FBXL7: variants seen among roughly 807,000 people sequenced by gnomAD.
FBXL7 encodes F-box and leucine rich repeat protein 7, also known as F-box/LRR-repeat protein 7.
FBXL7 carries 12 observed loss-of-function variants against 38.3 expected under a neutral mutation model. The observed-to-expected ratio is 0.31, with a 90% CI of 0.20 to 0.51. The LOEUF (loss-of-function observed/expected upper bound fraction) is 0.51. Among genes scored for constraint, FBXL7 ranks in the 20% least tolerant of loss-of-function variants. The probability of loss-of-function intolerance (pLI) is 0.98; values close to 1 mark genes in which losing one functional copy is unlikely to be tolerated. For synonymous variants in FBXL7, 297 were observed against 300.9 expected (o/e 0.99, Z 0.13); for missense variants, 567 against 676.4 (o/e 0.84, Z 1.79).
chr5:15,895,800 C>T lies in FBXL7; in HGVS notation c.128-32090C>T, dbSNP rs1383443456. Among the ~76,000 whole-genome samples, 13 of 151,026 alleles carry T rather than the reference C, an allele frequency of 8.6e-5. No individual in the cohort carries two copies. The East Asian group carries it at 9.9e-4, about 12-fold the overall frequency. Reference sequence around the variant, plus strand: ...CTGGGACTACAGGTGCCCGCCACCACGCCTGGCTAATTTTTTTGTATTTTT... The same window carrying T: ...CTGGGACTACAGGTGCCCGCCACCATGCCTGGCTAATTTTTTTGTATTTTT... On this transcript the variant is annotated intron_variant, in intron 2 of 3. Coordinates refer to ENST00000504595, the MANE Select transcript of FBXL7 (RefSeq NM_012304.5).
chr5:15,825,535 CA>C (rs1476670995), intron 2 of FBXL7, among the ~76,000 whole-genome samples: 1 of 152,106 alleles, frequency 6.6e-6, no homozygotes, highest in Non-Finnish European at 1.5e-5. Flanking sequence ...AGCTTCTAGC[CA>C]ACAGAAAGAA....
rs577791561 is a variant in FBXL7 at position 15,608,910 on chromosome 5, G to A, written c.38-7073G>A. On this transcript the variant is annotated intron_variant, in intron 1 of 3. Coordinates refer to ENST00000504595, the MANE Select transcript of FBXL7 (RefSeq NM_012304.5). ...TGATACAGACATCAAAGCATGGGCC[G>A]TATGATACCCATTTACAGAAGGTGA... Among the ~76,000 whole-genome samples the A allele has an allele frequency of 5.3e-5, 8 of 152,292 alleles. No homozygotes were observed. In the East Asian group the frequency reaches 7.7e-4, roughly 15 times the overall value.
intron 1 of FBXL7, among the ~76,000 whole-genome samples, chr5:15,551,261 A>C (rs1200199891): frequency 6.6e-6 from 1 of 152,056 alleles, no homozygotes; most frequent in Non-Finnish European, 1.5e-5. Context: ...CGTGTACTTG[A>C]CCCGGAGCAT....
At position 15,897,110 on chromosome 5, in the gene FBXL7, G is replaced by A. The variant is rs553879995; in HGVS notation, c.128-30780G>A. Among the ~76,000 whole-genome samples, 15 of 152,294 alleles carry A rather than the reference G, an allele frequency of 9.8e-5. 1 individual carries two copies. The highest frequency in any genetic ancestry group is 3.6e-4 in the African/African-American group (15 of 41,572). On this transcript the variant is annotated intron_variant, in intron 2 of 3. Coordinates refer to ENST00000504595, the MANE Select transcript of FBXL7 (RefSeq NM_012304.5). ...ATTGTGCCACTGCACTCCAGCCTGG[G>A]TGATGGAGTGAGACTCTATCTCTCT...
intron 1 of FBXL7, among the ~76,000 whole-genome samples, chr5:15,513,211 T>C (rs1736847518): frequency 6.6e-6 from 1 of 152,096 alleles, no homozygotes; most frequent in Non-Finnish European, 1.5e-5. Flanking sequence ...TACATGAGAA[T>C]AGATTTAAAT....
chr5:15,640,511 G>T (rs1048441760), intron 2 of FBXL7, among the ~76,000 whole-genome samples: 10 of 151,030 alleles, frequency 6.6e-5, no homozygotes, highest in Non-Finnish European at 1.5e-4. Flanking sequence ...GGTACTGGGG[G>T]TTAGGGCTTT....
chr5:15,599,779 T>C (rs1739738725), intron 1 of FBXL7, among the ~76,000 whole-genome samples: 1 of 143,552 alleles, frequency 7.0e-6, no homozygotes, highest in Admixed American at 6.9e-5. Flanking sequence ...TAGTTTTCTG[T>C]GGTAGGAAAA....
rs527272740 is a variant in FBXL7, at chr5:15,843,571, G to A, written c.128-84319G>A. Reference sequence around the variant, plus strand: ...CAAAGAACAGTAGTGTTCAGAAGACGAATAATAAATGTCCATAAATTGCTC... The same window carrying A: ...CAAAGAACAGTAGTGTTCAGAAGACAAATAATAAATGTCCATAAATTGCTC... On this transcript the variant is annotated intron_variant, in intron 2 of 3. Transcript: ENST00000504595. 5.3e-5 allele frequency among the ~76,000 whole-genome samples: 8 copies of A among 152,244 alleles called. No individual in the cohort carries two copies. The East Asian group carries it at 9.7e-4, about 18-fold the overall frequency.
intron 1 of FBXL7, among the ~76,000 whole-genome samples, chr5:15,544,603 A>G (rs746590654): frequency 8.5e-5 from 13 of 152,144 alleles, no homozygotes; most frequent in Non-Finnish European, 1.3e-4. Flanking sequence ...ATGCCACCAA[A>G]TAGAAAAGAA....
intron 2 of FBXL7, among the ~76,000 whole-genome samples, chr5:15,631,722 G>T (rs746913929): frequency 9.4e-5 from 14 of 148,450 alleles, no homozygotes; most frequent in South Asian, 6.5e-4. Context: ...ACAGCTTAGT[G>T]CAGTGAAAAA....
chr5:15,556,534 T>G (rs2126430658), intron 1 of FBXL7, among the ~76,000 whole-genome samples: 1 of 152,302 alleles, frequency 6.6e-6, no homozygotes, highest in South Asian at 2.1e-4. Context: ...TCCAGTCAAG[T>G]TGACCATAGA....
chr5:15,774,528 T>TCTTTGAGAATCCCAC (rs1253365357), intron 2 of FBXL7, among the ~76,000 whole-genome samples: 2 of 152,204 alleles, frequency 1.3e-5, no homozygotes, highest in East Asian at 3.9e-4. Flanking sequence ...TCTGTTCCCA[T>TCTTTGAGAATCCCAC]CTTTGAGAAT....
intron 2 of FBXL7, among the ~76,000 whole-genome samples, chr5:15,813,752 C>T (rs916085588): frequency 3.3e-5 from 5 of 152,044 alleles, no homozygotes; most frequent in African/African-American, 4.8e-5. Context: ...ACAACCCCAT[C>T]AATAAGTGGG....
chr5:15,618,543 A>G (rs889188491), intron 2 of FBXL7, among the ~76,000 whole-genome samples: 4 of 152,186 alleles, frequency 2.6e-5, no homozygotes, highest in Admixed American at 6.5e-5. Flanking sequence ...TGCTTTTTCA[A>G]TATGGATCCA....
chr5:15,686,868 A>G (rs987999545), intron 2 of FBXL7, among the ~76,000 whole-genome samples: 1 of 152,202 alleles, frequency 6.6e-6, no homozygotes, highest in African/African-American at 2.4e-5. Context: ...GACCACCCAC[A>G]GGGGCTTCAA....
At chr5:15,828,633 C>T (rs1738376885) in intron 2 of FBXL7, among the ~76,000 whole-genome samples, 1 of 152,278 alleles carries the variant, frequency 6.6e-6, no homozygotes, top group East Asian at 1.9e-4. Context: ...GTGAAAGGCA[C>T]CTGAAAATGA....
chr5:15,782,044 T>G (rs1422511132), intron 2 of FBXL7, among the ~76,000 whole-genome samples: 1 of 152,070 alleles, frequency 6.6e-6, no homozygotes, highest in African/African-American at 2.4e-5. Context: ...GTATGTTCTC[T>G]TTGTTAAACT....
intron 1 of FBXL7, among the ~76,000 whole-genome samples, chr5:15,519,349 A>T (rs371957910): frequency 2.0e-5 from 3 of 152,258 alleles, no homozygotes; most frequent in Admixed American, 1.3e-4. Context: ...TCTCAAAAAA[A>T]AATTCTTACT....
intron 2 of FBXL7, among the ~76,000 whole-genome samples, chr5:15,832,062 T>C (rs1407488100): frequency 1.3e-5 from 2 of 152,162 alleles, no homozygotes; most frequent in Non-Finnish European, 2.9e-5. Context: ...ATACTTTATT[T>C]AGACTCTGGT....
Sources: gnomAD v4.1 joint callset for allele counts (sites outside exome capture counted in the v4.1 genomes callset) on GRCh38, gnomAD v4.1.1 for gene constraint, MANE v1.5 for transcripts, NCBI Gene and HGNC (gene_info 2026-07-23, HGNC 2026-07-21) for gene names.